Variants in CABIN1 observed in about 807,000 individuals in gnomAD.
CABIN1 encodes the protein calcineurin-binding protein cabin-1.
In CABIN1, 133 loss-of-function variants were observed where a neutral mutation model predicts 227.7. That is an observed-to-expected ratio of 0.58 (90% CI 0.51 to 0.67). The LOEUF (loss-of-function observed/expected upper bound fraction) is 0.67. CABIN1 is among the 30% of genes least tolerant of loss of function. The probability of loss-of-function intolerance (pLI) is 0.00; values close to 1 mark genes in which losing one functional copy is unlikely to be tolerated. For synonymous variants in CABIN1, 1,086 were observed against 1,155.1 expected, an observed-to-expected ratio of 0.94 and a Z score of 1.21; for missense variants, 2,408 against 2,852.5, an observed-to-expected ratio of 0.84 and a Z score of 3.55.
Position 24,177,677 on chromosome 22 carries a change from C to A in CABIN1, c.6379C>A (p.Arg2127Ser), listed in dbSNP as rs759836190. 3 of 1,613,808 alleles carry A rather than the reference C, an allele frequency of 1.9e-6. No individual in the cohort carries two copies. Among genetic ancestry groups the A allele is most frequent in the Non-Finnish European group, 2.5e-6 (3 of 1,179,884 alleles). Residue 2127 changes from arginine (R) to serine (S), a missense_variant, in exon 36 of 37, where the codon CGC becomes AGC. Physicochemically the swap from Arg to Ser is moderately radical, Grantham distance 110 (BLOSUM62 -1). Transcript: ENST00000263119. The surrounding 1 kb of genome is among the most constrained non-coding windows in gnomAD (Gnocchi z 4.4). ...GKPEPSRAKS[R>S]PLPNMPKLVI... Reference sequence around the variant, plus strand: ...GCCTGAGCCCAGCCGGGCTAAGTCCCGCCCCCTGCCCAACATGCCAAAGCT... The same window carrying A: ...GCCTGAGCCCAGCCGGGCTAAGTCCAGCCCCCTGCCCAACATGCCAAAGCT...
In CABIN1 at chr22:24,087,724, G is replaced by C; in HGVS notation, c.3525+11G>C. 1 of 1,613,282 alleles carries C rather than the reference G, an allele frequency of 6.2e-7. No homozygotes were observed. Among genetic ancestry groups the C allele is most frequent in the Non-Finnish European group, 8.5e-7 (1 of 1,180,012 alleles). ...GAGCTCGTGCAGCAGGTGAGGAGGG[G>C]GTGCTGCAGATGGGCTTGCCATCCT... On this transcript the variant is annotated intron_variant, in intron 23 of 36. Coordinates refer to ENST00000263119, the MANE Select transcript of CABIN1 (RefSeq NM_012295.4).
intron 14 of CABIN1, among the ~76,000 whole-genome samples, chr22:24,063,772 T>C (rs1287343461): frequency 6.6e-6 from 1 of 152,222 alleles, no homozygotes; most frequent in Admixed American, 6.5e-5. Context: ...CTGGCTTTGC[T>C]CAAGTGTCCT....
At chr22:24,145,958 TG>T (rs1342316850) in intron 29 of CABIN1, among the ~76,000 whole-genome samples, 1 of 152,102 alleles carries the variant, frequency 6.6e-6, no homozygotes, top group African/African-American at 2.4e-5. Context: ...GGTGAGGAAA[TG>T]GGCTGGGCTT....
chr22:24,075,604 G>T (rs2040386999), intron 18 of CABIN1, among the ~76,000 whole-genome samples: 1 of 152,126 alleles, frequency 6.6e-6, no homozygotes, highest in Non-Finnish European at 1.5e-5. Context: ...AATTAGCTGG[G>T]TGTGGTAGCT....
intron 28 of CABIN1, among the ~76,000 whole-genome samples, chr22:24,129,785 C>G (rs1161128091): frequency 6.6e-6 from 1 of 152,110 alleles, no homozygotes; most frequent in African/African-American, 2.4e-5. Flanking sequence ...TGAGGTGGCA[C>G]CAGGTAGAGA....
chr22:24,042,766 C>G (rs1211470954), intron 5 of CABIN1, 138 bp from the exon 6 acceptor site: 1 of 764,880 alleles, frequency 1.3e-6, no homozygotes, highest in African/African-American at 1.8e-5. Context: ...AGTGGCTGTG[C>G]CAGTGCCGTG....
At chr22:24,037,276 AAAG>A (rs2036982819) in intron 3 of CABIN1, among the ~76,000 whole-genome samples, 1 of 151,450 alleles carries the variant, frequency 6.6e-6, no homozygotes, top group African/African-American at 2.4e-5. Context: ...AAAAAAAAAA[AAAG>A]AAAAGAAAAC....
chr22:24,116,479 G>C (rs1324504200), intron 27 of CABIN1, among the ~76,000 whole-genome samples: 1 of 152,204 alleles, frequency 6.6e-6, no homozygotes, highest in Non-Finnish European at 1.5e-5. Context: ...GTTGTCGGTG[G>C]GGGGAGGCCA....
intron 29 of CABIN1, among the ~76,000 whole-genome samples, chr22:24,154,046 C>T (rs570757108): frequency 3.3e-5 from 5 of 152,176 alleles, no homozygotes; most frequent in Admixed American, 6.5e-5. Context: ...AAGGCATGCG[C>T]GCTGGGGAGA....
At chr22:24,064,526 T>TTA (rs1555924935) in intron 15 of CABIN1, among the ~76,000 whole-genome samples, 11 of 150,136 alleles carry the variant, frequency 7.3e-5, no homozygotes, top group Non-Finnish European at 1.5e-4. Flanking sequence ...TTTTTTTTTT[T>TTA]TTTTTTTTTA....
At chr22:24,026,377 G>T (rs1272202033) in intron 1 of CABIN1, among the ~76,000 whole-genome samples, 2 of 152,294 alleles carry the variant, frequency 1.3e-5, no homozygotes, top group East Asian at 3.9e-4. Flanking sequence ...AGTGTCTTTT[G>T]TAAAGCAAGA....
At chr22:24,110,731 G>T (rs2042764121) in intron 26 of CABIN1, among the ~76,000 whole-genome samples, 1 of 152,092 alleles carries the variant, frequency 6.6e-6, no homozygotes, top group Non-Finnish European at 1.5e-5. Context: ...GATATTGTCA[G>T]ATATGTGTAA....
intron 33 of CABIN1, among the ~76,000 whole-genome samples, chr22:24,171,497 C>T (rs1569320997): frequency 6.6e-6 from 1 of 152,214 alleles, no homozygotes; most frequent in Non-Finnish European, 1.5e-5. Context: ...TCTGGGTCTC[C>T]AGCTGTGTCC....
chr22:24,041,474 C>T (rs1013143020), intron 5 of CABIN1, among the ~76,000 whole-genome samples: 1 of 152,142 alleles, frequency 6.6e-6, no homozygotes, highest in African/African-American at 2.4e-5. Flanking sequence ...GGGCAGAGCA[C>T]ATGCTTGGAT....
At chr22:24,099,955 C>T (rs951759948) in intron 26 of CABIN1, among the ~76,000 whole-genome samples, 1 of 152,244 alleles carries the variant, frequency 6.6e-6, no homozygotes, top group African/African-American at 2.4e-5. Context: ...ATGATGCCAG[C>T]TGTCCCATGT....
chr22:24,150,901 C>T (rs778180274), intron 29 of CABIN1, among the ~76,000 whole-genome samples: 3 of 152,150 alleles, frequency 2.0e-5, no homozygotes, highest in South Asian at 2.1e-4. Flanking sequence ...GCCTTGGTGC[C>T]GTAATGGAGG....
At chr22:24,119,970 A>G (rs959662790) in intron 28 of CABIN1, among the ~76,000 whole-genome samples, 7 of 151,972 alleles carry the variant, frequency 4.6e-5, no homozygotes, top group African/African-American at 1.7e-4. Context: ...GGTGAGGGAT[A>G]AGGGTCCATA....
chr22:24,088,872 C>G (rs1349596095), intron 23 of CABIN1, among the ~76,000 whole-genome samples: 1 of 152,202 alleles, frequency 6.6e-6, no homozygotes, highest in African/African-American at 2.4e-5. Context: ...TGAGTTCTAT[C>G]CATGATAATT....
intron 26 of CABIN1, among the ~76,000 whole-genome samples, chr22:24,109,269 G>A (rs1176284622): frequency 6.7e-6 from 1 of 150,344 alleles, no homozygotes; most frequent in African/African-American, 2.5e-5. Context: ...TTCCAGGCTA[G>A]AGTGGAGTGC....
Sources: allele counts gnomAD v4.1 joint callset (sites outside exome capture counted in the v4.1 genomes callset), GRCh38; gene constraint gnomAD v4.1.1; non-coding constraint Gnocchi (gnomAD v3.1); transcripts MANE v1.5; gene names NCBI Gene and HGNC (gene_info 2026-07-23, HGNC 2026-07-21).